Variants in OR2L13 observed in about 807,000 individuals in gnomAD.
The protein encoded by OR2L13 is olfactory receptor 2L13.
OR2L13 carries 14 observed loss-of-function variants against 15.3 expected under a neutral mutation model. The observed-to-expected ratio is 0.91, with a 90% CI of 0.60 to 1.43. The LOEUF (loss-of-function observed/expected upper bound fraction) is 1.43, where lower values mean the gene tolerates loss of function less well. OR2L13 is among the 40% of genes most tolerant of loss of function. The pLI is 0.00. For missense variants in OR2L13, 367 were observed against 387.9 expected, an observed-to-expected ratio of 0.95 and a Z score of 0.45; for synonymous variants, 152 against 142.9, an observed-to-expected ratio of 1.06 and a Z score of -0.45.
At chr1:248,040,020 A>T in the OR2L13 span, 1 of 152,152 alleles carries the variant, frequency 6.6e-6, no homozygotes, top group African/African-American at 2.4e-5. Flanking sequence ...AGGTTATTTG[A>T]ATCATTTCCC....
the OR2L13 span, chr1:248,084,652 T>C: frequency 8.5e-6 from 13 of 1,534,328 alleles, no homozygotes. Context: ...GAGGCTTTTA[T>C]CATCTGAATA....
At chr1:247,956,882 A>G in the OR2L13 span, among the ~76,000 whole-genome samples, 6 of 152,170 alleles carry the variant, frequency 3.9e-5, no homozygotes, top group South Asian at 2.1e-4. Context: ...CAATCATGTC[A>G]TCTGCAAACA....
chr1:248,070,266 A>C, the OR2L13 span, among the ~76,000 whole-genome samples: 2 of 152,154 alleles, frequency 1.3e-5, no homozygotes, highest in Non-Finnish European at 2.9e-5. Context: ...AGAAATTATA[A>C]CAAACTGTCT....
the OR2L13 span, chr1:247,991,255 C>G: frequency 1.6e-6 from 2 of 1,231,608 alleles, no homozygotes; most frequent in Non-Finnish European, 2.3e-6. Flanking sequence ...ATCAACTCAG[C>G]AGTGTACGGC....
the OR2L13 span, among the ~76,000 whole-genome samples, chr1:247,956,671 G>A: frequency 2.0e-5 from 3 of 151,758 alleles, no homozygotes; most frequent in Admixed American, 6.6e-5. Context: ...TCCCTTCTAA[G>A]TTGGATTCCT....
chr1:248,040,541 C>A, the OR2L13 span: 1 of 152,222 alleles, frequency 6.6e-6, no homozygotes, highest in Non-Finnish European at 1.5e-5. Context: ...AACGTGAAGA[C>A]AACAATGATG....
chr1:248,043,272 A>G, the OR2L13 span, among the ~76,000 whole-genome samples: 1 of 152,198 alleles, frequency 6.6e-6, no homozygotes, highest in Non-Finnish European at 1.5e-5. Flanking sequence ...TTTGAGTTCT[A>G]TCAGAGACAG....
the OR2L13 span, chr1:248,038,264 C>T: frequency 6.3e-7 from 1 of 1,590,332 alleles, no homozygotes; most frequent in African/African-American, 1.3e-5. Flanking sequence ...TGTAGGAATT[C>T]CCCATGGAAA....
At chr1:248,050,692 A>G in the OR2L13 span, among the ~76,000 whole-genome samples, 1 of 152,192 alleles carries the variant, frequency 6.6e-6, no homozygotes, top group Non-Finnish European at 1.5e-5. Flanking sequence ...AACACAAATG[A>G]TACAAATGTT....
chr1:248,009,916 A>T, the OR2L13 span, among the ~76,000 whole-genome samples: 2 of 152,160 alleles, frequency 1.3e-5, no homozygotes, highest in Non-Finnish European at 2.9e-5. Context: ...TGACAAAACC[A>T]TATGATTATT....
At chr1:248,061,642 T>C in the OR2L13 span, 2 of 1,592,062 alleles carry the variant, frequency 1.3e-6, no homozygotes, top group Admixed American at 1.7e-5. Flanking sequence ...ACCTAAGGTC[T>C]CAGGACTCAG....
At chr1:248,077,933 A>G in the OR2L13 span, among the ~76,000 whole-genome samples, 1 of 152,344 alleles carries the variant, frequency 6.6e-6, no homozygotes, top group East Asian at 1.9e-4. Context: ...TCTAGAATGT[A>G]TAAAAAAACA....
At chr1:248,073,044 C>G in the OR2L13 span, among the ~76,000 whole-genome samples, 1 of 151,534 alleles carries the variant, frequency 6.6e-6, no homozygotes, top group African/African-American at 2.4e-5. Context: ...TAAACTAGTT[C>G]AACCATTGTG....
upstream of OR2L13, among the ~76,000 whole-genome samples, chr1:248,093,598 T>A: frequency 6.6e-6 from 1 of 152,226 alleles, no homozygotes; most frequent in East Asian, 1.9e-4. Flanking sequence ...TCCAGTTTCG[T>A]ACTTCATCGT....
chr1:248,085,469 C>CA, the OR2L13 span, among the ~76,000 whole-genome samples: 15,610 of 67,730 alleles, frequency 0.23, 1,320 homozygotes, highest in Middle Eastern at 0.33. Context: ...AGAGAAGCAC[C>CA]AAAAAAAAAA....
chr1:248,022,228 TTGGGTG>T, the OR2L13 span: 2 of 1,614,054 alleles, frequency 1.2e-6, no homozygotes, highest in Admixed American at 1.7e-5. Context: ...ATCTCCTTCA[TTGGGTG>T]TGGGATTCAG....
chr1:248,046,903 T>A, the OR2L13 span: 1 of 152,224 alleles, frequency 6.6e-6, no homozygotes, highest in Non-Finnish European at 1.5e-5. Flanking sequence ...ATTGTATTTT[T>A]AAATTTTTAT....
At chr1:248,020,267 G>A in the OR2L13 span, among the ~76,000 whole-genome samples, 1 of 152,114 alleles carries the variant, frequency 6.6e-6, no homozygotes, top group Non-Finnish European at 1.5e-5. Flanking sequence ...ATCCAAATTG[G>A]TAATGAGGAA....
At chr1:248,023,311 G>T in the OR2L13 span, 1 of 152,752 alleles carries the variant, frequency 6.5e-6, no homozygotes, top group Non-Finnish European at 1.5e-5. Context: ...TGGTGTGTAT[G>T]TGTTCCTCTT....
Sources: gnomAD v4.1 joint callset for allele counts (sites outside exome capture counted in the v4.1 genomes callset) on GRCh38, gnomAD v4.1.1 for gene constraint, MANE v1.5 for transcripts, NCBI Gene and HGNC (gene_info 2026-07-23, HGNC 2026-07-21) for gene names.